FBXL2: variants seen among roughly 807,000 people sequenced by gnomAD.
FBXL2 encodes F-box and leucine rich repeat protein 2.
Under a neutral mutation model 69.2 loss-of-function variants are expected in FBXL2, and 38 were observed. That is an observed-to-expected ratio of 0.55 (90% CI 0.42 to 0.72). FBXL2 has a LOEUF of 0.72. Among genes scored for constraint, FBXL2 ranks in the 30% least tolerant of loss-of-function variants. FBXL2 has a pLI of 0.00. For synonymous variants in FBXL2, 192 were observed against 201.3 expected (o/e 0.95, Z 0.39); for missense variants, 354 against 520.3 (o/e 0.68, Z 3.11).
intron 6 of FBXL2, 39 bp from the exon 7 acceptor site, chr3:33,373,221 G>A (rs748396840): frequency 5.6e-6 from 9 of 1,610,910 alleles, no homozygotes; most frequent in Middle Eastern, 1.6e-4. Flanking sequence ...GGAGAGAAAC[G>A]TGGTTGAAAA....
At chr3:33,342,466 A>C (rs1662748094) in intron 2 of FBXL2, among the ~76,000 whole-genome samples, 1 of 151,534 alleles carries the variant, frequency 6.6e-6, no homozygotes, top group Admixed American at 6.6e-5. Flanking sequence ...ATTTTTAACC[A>C]AAATTCCTCA....
At chr3:33,393,046 C>CACT (rs1195946859), downstream of FBXL2, 10 of 382,132 alleles carry the variant, frequency 2.6e-5, no homozygotes, top group African/African-American at 1.9e-4. Flanking sequence ...CAAAGCCTGC[C>CACT]ACTATCCCTA....
At chr3:33,343,736 G>C (rs1479488424) in intron 2 of FBXL2, among the ~76,000 whole-genome samples, 1 of 152,010 alleles carries the variant, frequency 6.6e-6, no homozygotes, top group African/African-American at 2.4e-5. Flanking sequence ...AGATACATCT[G>C]TCAAGGAGGG....
At chr3:33,307,836 A>G (rs562607741) in intron 2 of FBXL2, among the ~76,000 whole-genome samples, 3 of 152,276 alleles carry the variant, frequency 2.0e-5, no homozygotes, top group South Asian at 2.1e-4. Flanking sequence ...TTATTTAAAA[A>G]TAAAAACTAG....
At chr3:33,347,528 A>G (rs538546427) in intron 2 of FBXL2, among the ~76,000 whole-genome samples, 2 of 152,310 alleles carry the variant, frequency 1.3e-5, no homozygotes, top group African/African-American at 4.8e-5. Flanking sequence ...TCTTTTGGGT[A>G]TATACCCAGC....
chr3:33,341,833 A>G (rs113912388), intron 2 of FBXL2, among the ~76,000 whole-genome samples: 18 of 3,388 alleles, frequency 5.3e-3, no homozygotes, highest in African/African-American at 0.04. Flanking sequence ...CCGTCTCAGG[A>G]AAAAAAAAAA....
intron 2 of FBXL2, among the ~76,000 whole-genome samples, chr3:33,322,609 C>T (rs1027357057): frequency 6.6e-6 from 1 of 152,050 alleles, no homozygotes; most frequent in Admixed American, 6.6e-5. Flanking sequence ...AGCAAAACTA[C>T]ATGATGTGTC....
At chr3:33,321,678 G>A (rs890746165) in intron 2 of FBXL2, among the ~76,000 whole-genome samples, 2 of 152,236 alleles carry the variant, frequency 1.3e-5, no homozygotes, top group African/African-American at 4.8e-5. Flanking sequence ...CACAAAGCTA[G>A]ATGGTATAGC....
chr3:33,398,212 G>C (rs1350176451), intron 12 of FBXL2: 1 of 152,214 alleles, frequency 6.6e-6, no homozygotes, highest in African/African-American at 2.4e-5. Flanking sequence ...ACTTCCATAT[G>C]ATAAATAGCC....
At chr3:33,390,645 C>CAT (rs1458690449), downstream of FBXL2, 2 of 496,306 alleles carry the variant, frequency 4.0e-6, no homozygotes, top group Non-Finnish European at 7.3e-6. Context: ...GGACATCTAT[C>CAT]AAGACACACA....
intron 2 of FBXL2, 130 bp from the exon 3 acceptor site, chr3:33,358,837 A>G: frequency 3.9e-6 from 2 of 511,610 alleles, no homozygotes; most frequent in Non-Finnish European, 7.0e-6. Flanking sequence ...GTGCACTTGT[A>G]TATTTCAGAT....
At position 33,402,612 on chromosome 3, in the gene FBXL2, G is replaced by A. The variant is rs572212247; in HGVS notation, n.1215-622G>A. Among the ~76,000 whole-genome samples the A allele has an allele frequency of 3.3e-5, 5 of 152,248 alleles. No homozygotes were observed. In the East Asian group the frequency reaches 5.8e-4, roughly 18 times the overall value. On this transcript the variant is annotated intron_variant and non_coding_transcript_variant, in intron 12 of 12. Transcript: ENST00000463736. ...GACTATGTTAAGGCACAAGGGGCTC[G>A]GAGTAAAAAAGGCTGGTAGGTGAAG...
At chr3:33,392,667 T>C (rs2043814840), downstream of FBXL2, 1 of 1,496,582 alleles carries the variant, frequency 6.7e-7, no homozygotes, top group Non-Finnish European at 9.1e-7. Flanking sequence ...CTGTCGTTTC[T>C]TAAAATGATT....
At chr3:33,385,426 G>A in intron 14 of FBXL2, 75 bp from the exon 15 acceptor site, 1 of 1,298,100 alleles carries the variant, frequency 7.7e-7, no homozygotes, top group Non-Finnish European at 1.1e-6. Context: ...AGGACTATAG[G>A]TTTTTCTAGA....
chr3:33,317,962 GT>G (rs2037855223), intron 2 of FBXL2, among the ~76,000 whole-genome samples: 1 of 152,144 alleles, frequency 6.6e-6, no homozygotes, highest in Admixed American at 6.5e-5. Context: ...TACCTGTGTA[GT>G]TTTGGGAACC....
upstream of FBXL2, chr3:33,277,436 G>A: frequency 1.6e-6 from 2 of 1,248,714 alleles, no homozygotes; most frequent in Non-Finnish European, 2.0e-6. Flanking sequence ...GGGGCGCCTG[G>A]CTGGCGTCAC....
intron 1 of FBXL2, among the ~76,000 whole-genome samples, chr3:33,286,672 G>C (rs1463174155): frequency 3.3e-5 from 5 of 152,254 alleles, no homozygotes; most frequent in African/African-American, 1.2e-4. Flanking sequence ...TCCTTGAGCT[G>C]CAGTGGGCTC....
intron 9 of FBXL2, 69 bp downstream of exon 9, chr3:33,373,990 TCCCTGCAGCC>T: frequency 6.8e-7 from 1 of 1,468,118 alleles, no homozygotes; most frequent in South Asian, 1.1e-5. Flanking sequence ...GCCTCAGGCC[TCCCTGCAGCC>T]CCCTAGGCAC....
downstream of FBXL2, among the ~76,000 whole-genome samples, chr3:33,405,286 G>T (rs184494936): frequency 1.3e-5 from 2 of 152,266 alleles, no homozygotes; most frequent in Admixed American, 1.3e-4. Flanking sequence ...AGGAAGAACA[G>T]AGTAAAATCT....
Sources: gnomAD v4.1 joint callset for allele counts (sites outside exome capture counted in the v4.1 genomes callset) on GRCh38, gnomAD v4.1.1 for gene constraint, MANE v1.5 for transcripts, NCBI Gene and HGNC (gene_info 2026-07-23, HGNC 2026-07-21) for gene names.